The following KCTD18 variants were observed in gnomAD, a reference collection of about 807,000 sequenced individuals.
KCTD18 encodes potassium channel tetramerization domain containing 18.
Under a neutral mutation model 30.4 loss-of-function variants are expected in KCTD18, and 22 were observed. That is an observed-to-expected ratio of 0.72 (90% confidence interval 0.52 to 1.03). KCTD18 has a LOEUF of 1.03. Ranked by LOEUF, KCTD18 falls within the 50% of genes least tolerant of loss-of-function variation. KCTD18 has a pLI of 0.00. For missense variants in KCTD18, 529 were observed against 547.6 expected (o/e 0.97, Z 0.34); for synonymous variants, 186 against 209.0 (o/e 0.89, Z 0.95).
chr2:200,500,785 A>C (rs377032519), intron 3 of KCTD18, among the ~76,000 whole-genome samples: 2 of 151,834 alleles, frequency 1.3e-5, no homozygotes. Flanking sequence ...AAACTACTTT[A>C]AAGTTCATAT....
In KCTD18 at chr2:200,490,224, G is replaced by A; in HGVS notation, c.1157C>T (p.Ala386Val). The change falls in exon 7 of 7, where the codon GCC becomes GTC. Residue 386 changes from alanine to valine, a missense_variant. Physicochemically the swap from Ala to Val is moderately conservative, Grantham distance 64 (BLOSUM62 0). Coordinates refer to ENST00000359878, the MANE Select transcript of KCTD18 (RefSeq NM_152387.4). ...VIKLKRTPLC[A>V]TAPCLPSPTA... is the part of the protein sequence containing the mutation. Reference sequence around the variant, plus strand: ...GGGGGAGGGCAGGCAAGGCGCGGTGGCGCACAGCGGAGTCCTCTTCAGCTT... The same window carrying A: ...GGGGGAGGGCAGGCAAGGCGCGGTGACGCACAGCGGAGTCCTCTTCAGCTT... 2 of 1,612,698 alleles carry A rather than the reference G, an allele frequency of 1.2e-6. No homozygotes were observed.
Position 200,490,181 on chromosome 2 carries a change from G to A in KCTD18, c.1200C>T (p.Ala400=). The part of the protein sequence containing the change: ...CLPSPTATRQ[A]NSLKPLPGEA... ...CGCCGGGAAGCGGCTTGAGGGAGTT[G>A]GCCTGCCTCGTGGCCGTGGGGGAGG... Residue 400 remains alanine (A), a synonymous_variant, in exon 7 of 7, where the codon GCC becomes GCT. Transcript: ENST00000359878. The A allele has an allele frequency of 6.2e-7, 1 of 1,613,692 alleles. No homozygotes were observed. The highest frequency in any genetic ancestry group is 1.1e-5 in the South Asian group (1 of 91,044).
In KCTD18 at chr2:200,497,859, G is replaced by A; in HGVS notation, c.567-12C>T. 3.8e-6 allele frequency: 6 copies of A among 1,562,898 alleles called. No individual in the cohort carries two copies. The highest frequency in any genetic ancestry group is 5.3e-6 in the Non-Finnish European group (6 of 1,135,392). ...TATTTCCCGCCTCTCTAGAAATATT[G>A]CAAAGAGTAATGAAAATATACTACC... On this transcript the variant is annotated splice_polypyrimidine_tract_variant and intron_variant, in intron 4 of 6. Transcript: ENST00000359878.
At position 200,490,635 on chromosome 2, in the gene KCTD18, G is replaced by A; in HGVS notation, c.765-19C>T. On this transcript the variant is annotated intron_variant, in intron 6 of 6. Transcript: ENST00000359878. ...CAGTCGCCTAGAAATACAGAAGCGT[G>A]TCATTTTCCACATGTATAGTTTTAG... 1.9e-6 allele frequency: 3 copies of A among 1,558,154 alleles called. No homozygotes were observed. The highest frequency in any genetic ancestry group is 3.7e-5 in the Admixed American group (2 of 54,742).
chr2:200,504,775 A>T lies in KCTD18; in HGVS notation c.345T>A (p.Ser115=). 1 of 1,614,012 alleles carries T rather than the reference A, an allele frequency of 6.2e-7. No homozygotes were observed. ...DHLANEMETY[S]LRSNIELKKA... is the part of the protein sequence containing the mutation. Reference sequence around the variant, plus strand: ...TTTTAAGTTCTATATTTGACCTTAAAGAATATGTCTCCATTTCATTGGCCA... The same window carrying T: ...TTTTAAGTTCTATATTTGACCTTAATGAATATGTCTCCATTTCATTGGCCA... The change falls in exon 3 of 7, where the codon TCT becomes TCA. Residue 115 remains serine (S), a synonymous_variant. Coordinates refer to ENST00000359878, the MANE Select transcript of KCTD18 (RefSeq NM_152387.4).
chr2:200,509,667 C>T lies in KCTD18; in HGVS notation c.-115G>A, dbSNP rs1252338157. The T allele has an allele frequency of 6.6e-6, 1 of 152,390 alleles. No individual in the cohort carries two copies. The highest frequency in any genetic ancestry group is 1.5e-5 in the Non-Finnish European group (1 of 68,194). The allele number at this position is 152,390 out of a possible 1,614,324, so 9.4% of individuals were successfully genotyped here. On this transcript the variant is annotated 5_prime_UTR_variant, in exon 1 of 7. Coordinates refer to ENST00000359878, the MANE Select transcript of KCTD18 (RefSeq NM_152387.4). ...TCAGGGACGCTTGGGAAAACGAAGACACTCCGGCCACAGCACACAGTTCCT... is the reference window on the plus strand; with the variant it reads ...TCAGGGACGCTTGGGAAAACGAAGATACTCCGGCCACAGCACACAGTTCCT...
rs2088053342 is a variant in KCTD18 at position 200,499,631 on chromosome 2, TA to T, written c.373-548del. Among the ~76,000 whole-genome samples, 4 of 151,926 alleles carry T rather than the reference TA, an allele frequency of 2.6e-5. No homozygotes were observed. The South Asian group carries it at 8.3e-4, about 32-fold the overall frequency. The stretch of plus-strand genomic sequence containing the variant: ...ATAACAGGAGCTGAAATTGTGGCAA[TA>T]ATCAGTAGCTTACCAACCAAAGAGA... On this transcript the variant is annotated intron_variant, in intron 3 of 6. Coordinates refer to ENST00000359878, the MANE Select transcript of KCTD18 (RefSeq NM_152387.4).
Position 200,507,238 on chromosome 2 carries a change from C to T in KCTD18, c.-75-147G>A, listed in dbSNP as rs949591696. 1.2e-4 allele frequency: 42 copies of T among 364,792 alleles called. 1 individual carries two copies. Among genetic ancestry groups the T allele is most frequent in the East Asian group, 7.4e-4 (17 of 23,106 alleles). 22.6% of individuals were successfully genotyped at this position (364,792 alleles called of 1,614,324 possible). ...GATTTTATATAATATAAGAGAATTT[C>T]GAGATATGCTAAGAAGTTGGAAAAT... On this transcript the variant is annotated intron_variant, in intron 1 of 6. Transcript: ENST00000359878.
Position 200,493,237 on chromosome 2 carries a change from CTCTA to C in KCTD18, c.695_698del (p.Ile232SerfsTer5), listed in dbSNP as rs2087948390. The C allele has an allele frequency of 6.2e-7, 1 of 1,612,870 alleles. No homozygotes were observed. Among genetic ancestry groups the C allele is most frequent in the Admixed American group, 1.7e-5 (1 of 59,988 alleles). On this transcript the variant is annotated frameshift_variant, in exon 6 of 7. Transcript: ENST00000359878. LOFTEE classifies it high-confidence loss of function. The stretch of plus-strand genomic sequence containing the variant: ...AAGGCCGTTCTTCTAGAGTCCAACA[CTCTA>C]TCAGCTCATGAGGCACCCGCCAGTA...
chr2:200,500,976 C>T (rs1180054431), intron 3 of KCTD18, among the ~76,000 whole-genome samples: 114 of 151,448 alleles, frequency 7.5e-4, no homozygotes, highest in African/African-American at 1.9e-3. Context: ...TCAGAAATAA[C>T]GCCACATATC....
Position 200,493,259 on chromosome 2 carries a change from C to G in KCTD18, c.677G>C (p.Arg226Pro), listed in dbSNP as rs769455001. 3 of 1,606,780 alleles carry G rather than the reference C, an allele frequency of 1.9e-6. No homozygotes were observed. The highest frequency in any genetic ancestry group is 1.3e-5 in the African/African-American group (1 of 74,902). The change falls in exon 6 of 7, where the codon CGG becomes CCG. Residue 226 changes from arginine (R) to proline (P), a missense_variant. Transcript: ENST00000359878. ...ACACTCTATCAGCTCATGAGGCACC[C>G]GCCAGTAGCTAACACCTGGAAGGTA... ...AWEGKGVSYW[R>P]VPHELIECWT...
At chr2:200,505,457 T>C (rs2030136815) in intron 2 of KCTD18, among the ~76,000 whole-genome samples, 1 of 152,212 alleles carries the variant, frequency 6.6e-6, no homozygotes, top group African/African-American at 2.4e-5. Flanking sequence ...AATGAGTCAG[T>C]GGTGGACCTT....
chr2:200,493,059 T>C (rs545152218), intron 6 of KCTD18, 113 bp downstream of exon 6: 1 of 629,692 alleles, frequency 1.6e-6, no homozygotes, highest in South Asian at 2.0e-5. Flanking sequence ...TTCAAATCGG[T>C]GATTAATAAG....
chr2:200,507,851 A>T (rs569074198), intron 1 of KCTD18, among the ~76,000 whole-genome samples: 27 of 152,280 alleles, frequency 1.8e-4, no homozygotes, highest in African/African-American at 6.5e-4. Context: ...TTAAATTTTT[A>T]AAAAATGAGA....
chr2:200,489,996 A>G lies in KCTD18; in HGVS notation c.*104T>C. The G allele has an allele frequency of 1.6e-6, 2 of 1,220,680 alleles. No homozygotes were observed. The highest frequency in any genetic ancestry group is 2.2e-6 in the Non-Finnish European group (2 of 897,540). The allele number at this position is 1,220,680 out of a possible 1,614,324, so 75.6% of individuals were successfully genotyped here. A position where few individuals can be genotyped will look rare whatever the true frequency, so the allele number is the denominator to read the frequency against. ...TCCAGGAACAGAATCCTCAACATAA[A>G]CCTAAGCTTCCCCTCTGCTGCATTA... On this transcript the variant is annotated 3_prime_UTR_variant, in exon 7 of 7. Transcript: ENST00000359878.
At chr2:200,501,786 G>GTAATATACCCA (rs1264809059) in intron 3 of KCTD18, among the ~76,000 whole-genome samples, 1 of 151,396 alleles carries the variant, frequency 6.6e-6, no homozygotes, top group African/African-American at 2.4e-5. Context: ...CCCATTACTG[G>GTAATATACCCA]GTATATACCC....
At position 200,490,592 on chromosome 2, in the gene KCTD18, C is replaced by A. The variant is rs370785664; in HGVS notation, c.789G>T (p.Ala263=). 1 of 1,595,062 alleles carries A rather than the reference C, an allele frequency of 6.3e-7. No individual in the cohort carries two copies. Among genetic ancestry groups the A allele is most frequent in the African/African-American group, 1.3e-5 (1 of 74,724 alleles). The change falls in exon 7 of 7, where the codon GCG becomes GCT. Residue 263 remains alanine (A), a synonymous_variant. Transcript: ENST00000359878. ...RKRRLITFNE[A]DESVNYKTGP... ...CAGTCTTATAGTTCACACTTTCGTC[C>A]GCTTCATTGAACGTTATCAGTCGCC...
chr2:200,492,841 T>TC lies in KCTD18; in HGVS notation c.764+330_764+331insG, dbSNP rs199793621. On this transcript the variant is annotated intron_variant, in intron 6 of 6. Coordinates refer to ENST00000359878, the MANE Select transcript of KCTD18 (RefSeq NM_152387.4). ...ATTAAGTCTAAATAGATTTTTTTTT[T>TC]ACTATTGCCAGTAAAGCCTGGGATT... is the stretch of plus-strand genomic sequence containing the variant. Among the ~76,000 whole-genome samples the TC allele has an allele frequency of 2.0e-3, 304 of 150,478 alleles. 2 individuals are homozygous for TC. Among genetic ancestry groups the TC allele is most frequent in the Middle Eastern group, 3.4e-3 (1 of 292 alleles).
intron 3 of KCTD18, among the ~76,000 whole-genome samples, 167 bp from the exon 4 acceptor site, chr2:200,499,251 AT>A (rs147029988): frequency 4.6e-4 from 70 of 152,020 alleles, no homozygotes; most frequent in Admixed American, 4.6e-4. Context: ...TCAAACACAC[AT>A]TTTTTTTAAT....
Sources: allele counts gnomAD v4.1 joint callset (sites outside exome capture counted in the v4.1 genomes callset), GRCh38; gene constraint gnomAD v4.1.1; transcripts MANE v1.5; gene names NCBI Gene and HGNC (gene_info 2026-07-23, HGNC 2026-07-21).